Variants in CFAP70 observed in about 807,000 individuals in gnomAD.
CFAP70 encodes cilia and flagella associated protein 70.
A neutral mutation model predicts 137.6 loss-of-function variants in CFAP70; 81 were observed. The ratio of observed to expected loss-of-function variants is 0.59; its 90% CI spans 0.49 to 0.71. CFAP70 has a LOEUF of 0.71. Among genes scored for constraint, CFAP70 ranks in the 30% least tolerant of loss-of-function variants. CFAP70 has a pLI of 0.00. For missense variants in CFAP70, 976 were observed against 1,226.7 expected, an observed-to-expected ratio of 0.80 and a Z score of 3.05; for synonymous variants, 382 against 423.6, an observed-to-expected ratio of 0.90 and a Z score of 1.20.
chr10:73,297,455 G>A (rs978559608), intron 14 of CFAP70, among the ~76,000 whole-genome samples: 2 of 152,148 alleles, frequency 1.3e-5, no homozygotes, highest in Admixed American at 6.5e-5. Context: ...TGAGCATTAG[G>A]TTTAGGCATT....
chr10:73,331,459 T>A (rs1457479119), intron 7 of CFAP70, among the ~76,000 whole-genome samples, 183 bp from the exon 9 acceptor site: 1 of 152,198 alleles, frequency 6.6e-6, no homozygotes, highest in Non-Finnish European at 1.5e-5. Context: ...GGCAGGTAGA[T>A]GGCTTGAACC....
At position 73,349,529 on chromosome 10, in the gene CFAP70, C is replaced by T. The variant is rs188339900; in HGVS notation, c.251-1008G>A. On this transcript the variant is annotated intron_variant, in intron 3 of 26. Coordinates refer to ENST00000310715, the Ensembl canonical transcript of CFAP70. ...CTGCATTACAGCCTGGGCGACAGAG[C>T]GAGACTCCGTCTCAAAAAAAAAAAA... is the stretch of plus-strand genomic sequence containing the variant. Among the ~76,000 whole-genome samples the T allele has an allele frequency of 3.6e-4, 53 of 148,696 alleles. 1 individual carries two copies. The highest frequency in any genetic ancestry group is 6.2e-4 in the Non-Finnish European group (42 of 67,370).
chr10:73,280,381 CTCT>C (rs1280606040), intron 19 of CFAP70, among the ~76,000 whole-genome samples: 1 of 152,042 alleles, frequency 6.6e-6, no homozygotes, highest in Non-Finnish European at 1.5e-5. Context: ...TTTGTATGTA[CTCT>C]TCTTTCTTTG....
intron 8 of CFAP70, among the ~76,000 whole-genome samples, chr10:73,330,214 G>A: frequency 6.6e-6 from 1 of 152,068 alleles, no homozygotes; most frequent in Non-Finnish European, 1.5e-5. Flanking sequence ...CACTTTGGGA[G>A]GCTGAGGCGG....
At chr10:73,351,445 G>GTTT (rs2054261185) in intron 3 of CFAP70, among the ~76,000 whole-genome samples, 1 of 149,024 alleles carries the variant, frequency 6.7e-6, no homozygotes. Flanking sequence ...TTTTGTTTTT[G>GTTT]TTTTTTGAGA....
intron 9 of CFAP70, among the ~76,000 whole-genome samples, chr10:73,315,596 T>TAGG: frequency 1.3e-5 from 2 of 152,168 alleles, no homozygotes; most frequent in African/African-American, 4.8e-5. Context: ...GTCTCACTCT[T>TAGG]GTCACCCAAG....
intron 19 of CFAP70, among the ~76,000 whole-genome samples, chr10:73,282,184 G>C (rs900018537): frequency 1.3e-5 from 2 of 152,202 alleles, no homozygotes; most frequent in South Asian, 4.1e-4. Context: ...CAGAGAGGAG[G>C]AGCGGAGGGG....
chr10:73,357,781 C>A (rs960652051), intron 1 of CFAP70, among the ~76,000 whole-genome samples: 7 of 152,216 alleles, frequency 4.6e-5, no homozygotes, highest in African/African-American at 1.7e-4. Context: ...TTATCTCTCC[C>A]TTTCTCCTCA....
intron 25 of CFAP70, among the ~76,000 whole-genome samples, chr10:73,256,674 T>C (rs1396786532): frequency 1.3e-5 from 2 of 151,290 alleles, no homozygotes; most frequent in Admixed American, 1.3e-4. Flanking sequence ...GAGACCGAGG[T>C]GGGTGGATCA....
intron 5 of CFAP70, among the ~76,000 whole-genome samples, chr10:73,342,863 T>A (rs1175020466): frequency 1.3e-5 from 2 of 151,796 alleles, no homozygotes; most frequent in African/African-American, 4.8e-5. Context: ...GATCACAAGG[T>A]CAGGAGTTCG....
At position 73,274,604 on chromosome 10, in the gene CFAP70, T is replaced by G; in HGVS notation, c.2674-10A>C. The G allele has an allele frequency of 6.2e-7, 1 of 1,610,992 alleles. No individual in the cohort carries two copies. Among genetic ancestry groups the G allele is most frequent in the Non-Finnish European group, 8.5e-7 (1 of 1,178,918 alleles). On this transcript the variant is annotated splice_polypyrimidine_tract_variant and intron_variant, in intron 22 of 26. Transcript: ENST00000310715. ...CCCAGACATTGGGGTTCTGGGAAAG[T>G]GAAAAGCAAGTAGTATATGGGATAA...
In CFAP70 at chr10:73,286,937, C is replaced by T. The variant is rs140909401; in HGVS notation, c.2239+4289G>A. 7.8e-3 allele frequency among the ~76,000 whole-genome samples: 1,183 copies of T among 152,358 alleles called. 14 individuals carry two copies. Among genetic ancestry groups the T allele is most frequent in the African/African-American group, 0.027 (1,117 of 41,566 alleles). ...AAACATGTCCTTAAGGCACAGATCA[C>T]TCATGCTATTGTTTGTGGTTTAAGA... On this transcript the variant is annotated intron_variant, in intron 19 of 26. Coordinates refer to ENST00000310715, the Ensembl canonical transcript of CFAP70.
chr10:73,265,046 C>T (rs2045621254), intron 25 of CFAP70, among the ~76,000 whole-genome samples: 1 of 152,170 alleles, frequency 6.6e-6, no homozygotes, highest in South Asian at 2.1e-4. Context: ...AGAGATTCGG[C>T]CGGGTGCGGT....
Position 73,303,009 on chromosome 10 carries a change from G to A in CFAP70, c.1257-3344C>T, listed in dbSNP as rs191008586. On this transcript the variant is annotated intron_variant, in intron 12 of 26. Transcript: ENST00000310715. ...ATCCTCCTGCCTCAGCAACCCCACCGCCCCCCACCACCGGGTAGCTCGGAC... is the reference window on the plus strand; with the variant it reads ...ATCCTCCTGCCTCAGCAACCCCACCACCCCCCACCACCGGGTAGCTCGGAC... Among the ~76,000 whole-genome samples the A allele has an allele frequency of 2.1e-3, 306 of 148,410 alleles. 2 individuals carry two copies. The highest frequency in any genetic ancestry group is 4.7e-3 in the African/African-American group (188 of 40,184).
chr10:73,254,078 G>T, intron 26 of CFAP70, 23 bp from the exon 28 acceptor site: 1 of 1,584,012 alleles, frequency 6.3e-7, no homozygotes, highest in South Asian at 1.1e-5. Context: ...GGAAGAAAGG[G>T]AAAGATATAT....
At chr10:73,263,749 T>C (rs2045496174) in intron 25 of CFAP70, among the ~76,000 whole-genome samples, 1 of 152,230 alleles carries the variant, frequency 6.6e-6, no homozygotes, top group Admixed American at 6.5e-5. Context: ...TTGTAATTAA[T>C]AAGTATCTTG....
intron 8 of CFAP70, among the ~76,000 whole-genome samples, chr10:73,328,046 A>T (rs2051660822): frequency 1.3e-5 from 2 of 152,194 alleles, no homozygotes; most frequent in Non-Finnish European, 2.9e-5. Context: ...TCCTAAGCCA[A>T]AAGAACAAAG....
exon 26 of CFAP70, chr10:73,256,403 A>G (rs747104067): frequency 6.2e-7 from 1 of 1,614,118 alleles, no homozygotes; most frequent in Non-Finnish European, 8.5e-7. Context: ...CTCAGCTTCT[A>G]ATTGCCGTCC....
intron 3 of CFAP70, among the ~76,000 whole-genome samples, chr10:73,349,744 G>T (rs757522478): frequency 7.2e-5 from 11 of 152,154 alleles, no homozygotes; most frequent in Non-Finnish European, 1.3e-4. Flanking sequence ...AAGTAGAATA[G>T]TATAACAACT....
Sources: gnomAD v4.1 joint callset for allele counts (sites outside exome capture counted in the v4.1 genomes callset) on GRCh38, gnomAD v4.1.1 for gene constraint, MANE v1.5 for transcripts, NCBI Gene and HGNC (gene_info 2026-07-23, HGNC 2026-07-21) for gene names.